Variants in UBE2O observed in about 807,000 individuals in gnomAD.
UBE2O encodes the protein (E3-independent) E2 ubiquitin-conjugating enzyme.
UBE2O carries 15 observed loss-of-function variants against 125.8 expected under a neutral mutation model. The observed-to-expected ratio is 0.12, with a 90% CI of 0.08 to 0.18. The LOEUF (loss-of-function observed/expected upper bound fraction) is 0.18, where lower values mean the gene tolerates loss of function less well. Among genes scored for constraint, UBE2O ranks in the 10% least tolerant of loss-of-function variants. The pLI is 1.00. For synonymous variants in UBE2O, 708 were observed against 703.2 expected, an observed-to-expected ratio of 1.01 and a Z score of -0.11; for missense variants, 1,280 against 1,723.6, an observed-to-expected ratio of 0.74 and a Z score of 4.56.
rs1221531561 is a variant in UBE2O at position 76,389,585 on chromosome 17, G to A, written c.*1358C>T. ...GCACTTTATACAGATATCGTAAGCA[G>A]TAGGCATTCACATCTCCACATGTAC... On this transcript the variant is annotated 3_prime_UTR_variant, in exon 18 of 18. Transcript: ENST00000319380. 4 of 151,030 alleles carry A rather than the reference G, an allele frequency of 2.6e-5. No homozygotes were observed. The highest frequency in any genetic ancestry group is 5.9e-5 in the Non-Finnish European group (4 of 67,926). The allele number at this position is 151,030 out of a possible 1,614,324, so 9.4% of individuals were successfully genotyped here. A position where few individuals can be genotyped will look rare whatever the true frequency, so the allele number is the denominator to read the frequency against.
chr17:76,440,781 G>C (rs918424412), intron 1 of UBE2O, among the ~76,000 whole-genome samples: 4 of 152,200 alleles, frequency 2.6e-5, no homozygotes, highest in African/African-American at 9.6e-5. Context: ...CCATTCATTT[G>C]CTTACTGCCT....
chr17:76,408,424 A>G (rs750298228), intron 1 of UBE2O, among the ~76,000 whole-genome samples: 33 of 152,066 alleles, frequency 2.2e-4, no homozygotes, highest in Non-Finnish European at 1.2e-4. Flanking sequence ...AAAATAAGCA[A>G]CTCATTCAAT....
At chr17:76,433,670 C>G (rs1433399433) in intron 1 of UBE2O, among the ~76,000 whole-genome samples, 1 of 150,722 alleles carries the variant, frequency 6.6e-6, no homozygotes, top group Non-Finnish European at 1.5e-5. Flanking sequence ...GAGTATTGCG[C>G]CACTGCATTC....
chr17:76,409,396 C>A (rs1310870937), intron 1 of UBE2O, among the ~76,000 whole-genome samples: 1 of 150,704 alleles, frequency 6.6e-6, no homozygotes, highest in Non-Finnish European at 1.5e-5. Context: ...AATGAACACA[C>A]ACTACTTTTT....
intron 1 of UBE2O, among the ~76,000 whole-genome samples, chr17:76,440,979 G>A (rs1032011952): frequency 2.6e-5 from 4 of 152,224 alleles, no homozygotes; most frequent in African/African-American, 9.6e-5. Context: ...GGGCACCCGT[G>A]TAGTCAGTGA....
rs763319538 is a variant in UBE2O at position 76,396,287 on chromosome 17, C to T, written c.2650G>A (p.Asp884Asn). 13 of 1,614,086 alleles carry T rather than the reference C, an allele frequency of 8.1e-6. No homozygotes were observed. Among genetic ancestry groups the T allele is most frequent in the African/African-American group, 5.3e-5 (4 of 74,936 alleles). ...GGCTTGTCCTCCTTGCGCTCTACGT[C>T]GGGCACTGCTTCCATCTTCTCCTCC... The part of the protein sequence containing the change: ...VEEEKMEAVP[D>N]VERKEDKPEG... Residue 884 changes from aspartate to asparagine, a missense_variant, in exon 14 of 18, where the codon GAC becomes AAC. Coordinates refer to ENST00000319380, the MANE Select transcript of UBE2O (RefSeq NM_022066.4). The surrounding 1 kb of genome is among the most constrained non-coding windows in gnomAD (Gnocchi z 6.7).
chr17:76,411,986 A>G (rs374257751), intron 1 of UBE2O, among the ~76,000 whole-genome samples: 2 of 152,228 alleles, frequency 1.3e-5, no homozygotes, highest in South Asian at 4.1e-4. Flanking sequence ...CCTGGCCCCA[A>G]TACTAGGTTT....
At chr17:76,423,896 C>CTTTTTTTTTT (rs746126675) in intron 1 of UBE2O, among the ~76,000 whole-genome samples, 5 of 83,506 alleles carry the variant, frequency 6.0e-5, no homozygotes, top group East Asian at 8.9e-4. Flanking sequence ...AGGTTGGGTT[C>CTTTTTTTTTT]TTTTTTTTTT....
intron 1 of UBE2O, among the ~76,000 whole-genome samples, chr17:76,408,177 C>T (rs1291556205): frequency 6.6e-6 from 1 of 152,214 alleles, no homozygotes; most frequent in Non-Finnish European, 1.5e-5. Context: ...CCTCTCCCTG[C>T]CCCCGTATGC....
At chr17:76,394,207 C>G (rs2072164751) in intron 15 of UBE2O, among the ~76,000 whole-genome samples, 1 of 152,224 alleles carries the variant, frequency 6.6e-6, no homozygotes, top group Admixed American at 6.5e-5. Context: ...CTCAGGATCC[C>G]TGCTCTTTCT....
intron 1 of UBE2O, among the ~76,000 whole-genome samples, chr17:76,449,235 AC>A (rs1598627886): frequency 6.6e-6 from 1 of 152,254 alleles, no homozygotes; most frequent in Admixed American, 6.5e-5. Flanking sequence ...CTACAAAAAT[AC>A]GCCACACCCT....
Position 76,399,491 on chromosome 17 carries a change from CTCT to C in UBE2O, c.1583_1585del (p.Lys528del). 6.2e-7 allele frequency: 1 copy of C among 1,614,218 alleles called. No individual in the cohort carries two copies. Among genetic ancestry groups the C allele is most frequent in the East Asian group, 2.2e-5 (1 of 44,890 alleles). On this transcript the variant is annotated inframe_deletion, in exon 9 of 18. Coordinates refer to ENST00000319380, the MANE Select transcript of UBE2O (RefSeq NM_022066.4). The surrounding 1 kb of genome is among the most constrained non-coding windows in gnomAD (Gnocchi z 6.9). ...GTCTCGAGTGATTTTATTCTTCTTC[CTCT>C]TGTGTTTGCGCTTTAAGTTCTTGAT...
At chr17:76,403,161 C>T (rs2072358231) in intron 3 of UBE2O, among the ~76,000 whole-genome samples, 1 of 150,714 alleles carries the variant, frequency 6.6e-6, no homozygotes, top group African/African-American at 2.4e-5. Flanking sequence ...AGAAGGTGCC[C>T]AGGTGTTTAC....
chr17:76,430,538 C>T (rs756422580), intron 1 of UBE2O: 1 of 251,430 alleles, frequency 4.0e-6, no homozygotes, highest in Non-Finnish European at 7.9e-6. Flanking sequence ...CTTGAAGGGC[C>T]ACAGTATAGA....
rs757913486 is a variant in UBE2O, at chr17:76,400,398, C to A, written c.1004+43G>T. 6.9e-6 allele frequency: 11 copies of A among 1,595,416 alleles called. No individual in the cohort carries two copies. The highest frequency in any genetic ancestry group is 1.1e-5 in the South Asian group (1 of 89,220). ...ATGTGACCAGGGCCCAGAGCCCTGT[C>A]CCACGCGTGCCCCTGGGTTGCTGGC... On this transcript the variant is annotated intron_variant, in intron 7 of 17. Coordinates refer to ENST00000319380, the MANE Select transcript of UBE2O (RefSeq NM_022066.4). This position sits in a 1 kb window ranked among gnomAD's most constrained non-coding sequence, Gnocchi z 4.3.
chr17:76,422,611 G>A (rs891776291), intron 1 of UBE2O, among the ~76,000 whole-genome samples: 1 of 152,224 alleles, frequency 6.6e-6, no homozygotes. Context: ...CCAGGCTTGG[G>A]GAGGTGTGGC....
chr17:76,396,343 T>C lies in UBE2O; in HGVS notation c.2594A>G (p.Lys865Arg). The change falls in exon 14 of 18, where the codon AAG becomes AGG. Residue 865 changes from lysine to arginine, a missense_variant. Coordinates refer to ENST00000319380, the MANE Select transcript of UBE2O (RefSeq NM_022066.4). This position sits in a 1 kb window ranked among gnomAD's most constrained non-coding sequence, Gnocchi z 6.7. ...DDIKKLQENL[K>R]KTLDNVAIVE... is the part of the protein sequence containing the mutation. ...AATGGCCACATTGTCCAGGGTCTTC[T>C]TGAGGTTTTCCTGTAGCTTCTTGAT... 1 of 1,614,220 alleles carries C rather than the reference T, an allele frequency of 6.2e-7. No homozygotes were observed. Among genetic ancestry groups the C allele is most frequent in the Non-Finnish European group, 8.5e-7 (1 of 1,180,032 alleles).
Position 76,404,749 on chromosome 17 carries a change from T to C in UBE2O, c.588+457A>G, listed in dbSNP as rs1194803707. 6.6e-6 allele frequency among the ~76,000 whole-genome samples: 1 copy of C among 151,658 alleles called. No individual in the cohort carries two copies. Among genetic ancestry groups the C allele is most frequent in the Non-Finnish European group, 1.5e-5 (1 of 67,904 alleles). On this transcript the variant is annotated intron_variant, in intron 3 of 17. Coordinates refer to ENST00000319380, the MANE Select transcript of UBE2O (RefSeq NM_022066.4). The surrounding 1 kb of genome is among the most constrained non-coding windows in gnomAD (Gnocchi z 4.3). ...CATCTATAGCTTGCTGTCAAATGTT[T>C]TGGGAAGAAAAAAGACCGGAGGGGG...
At chr17:76,435,652 A>G (rs2072985030) in intron 1 of UBE2O, among the ~76,000 whole-genome samples, 1 of 152,180 alleles carries the variant, frequency 6.6e-6, no homozygotes, top group Non-Finnish European at 1.5e-5. Flanking sequence ...CCCAGTAACT[A>G]CAAGATTCTG....
Sources: allele counts gnomAD v4.1 joint callset (sites outside exome capture counted in the v4.1 genomes callset), GRCh38; gene constraint gnomAD v4.1.1; non-coding constraint Gnocchi (gnomAD v3.1); transcripts MANE v1.5; gene names NCBI Gene and HGNC (gene_info 2026-07-23, HGNC 2026-07-21).